FAT3: variants seen among roughly 807,000 people sequenced by gnomAD.
FAT3 encodes FAT atypical cadherin 3.
In FAT3, 95 loss-of-function variants were observed where a neutral mutation model predicts 310.2. The ratio of observed to expected loss-of-function variants is 0.31; its 90% CI spans 0.26 to 0.36. The LOEUF is 0.36. Ranked by LOEUF, FAT3 falls within the 10% of genes least tolerant of loss-of-function variation. The pLI is 1.00. For missense variants in FAT3, 5,408 were observed against 5,715.6 expected, an observed-to-expected ratio of 0.95 and a Z score of 1.74; for synonymous variants, 2,314 against 2,192.9, an observed-to-expected ratio of 1.06 and a Z score of -1.54.
At chr11:92,887,252 G>T in intron 25 of FAT3, 139 bp downstream of exon 25, 1 of 709,370 alleles carries the variant, frequency 1.4e-6, no homozygotes. Flanking sequence ...CCAGGTCCCT[G>T]GTTTACTCCA....
At chr11:92,628,996 A>G (rs1941443706) in intron 3 of FAT3, among the ~76,000 whole-genome samples, 1 of 152,228 alleles carries the variant, frequency 6.6e-6, no homozygotes, top group Non-Finnish European at 1.5e-5. Context: ...CTTTCTTTTC[A>G]TAATGTGGTA....
chr11:92,480,516 C>A (rs1485012534), intron 2 of FAT3, among the ~76,000 whole-genome samples: 1 of 152,142 alleles, frequency 6.6e-6, no homozygotes, highest in Non-Finnish European at 1.5e-5. Flanking sequence ...GGGTGAAAGG[C>A]AAGAGGAACA....
At chr11:92,540,949 A>C (rs1954429919) in intron 3 of FAT3, among the ~76,000 whole-genome samples, 1 of 152,132 alleles carries the variant, frequency 6.6e-6, no homozygotes, top group African/African-American at 2.4e-5. Flanking sequence ...AGCTACAGGA[A>C]AAGGAAATAA....
At chr11:92,479,196 C>T (rs1441635899) in intron 2 of FAT3, among the ~76,000 whole-genome samples, 3 of 145,152 alleles carry the variant, frequency 2.1e-5, no homozygotes, top group Non-Finnish European at 3.0e-5. Context: ...TTTTTTGTAG[C>T]GACAGGATTT....
At chr11:92,772,823 T>C (rs968927995) in intron 6 of FAT3, among the ~76,000 whole-genome samples, 4 of 152,134 alleles carry the variant, frequency 2.6e-5, no homozygotes, top group Non-Finnish European at 5.9e-5. Flanking sequence ...TTCCATGTCA[T>C]TGTACATCAG....
rs377492363 is a variant in FAT3, at chr11:92,549,891, C to A, written c.3607+24943C>A. Among the ~76,000 whole-genome samples the A allele has an allele frequency of 6.0e-4, 91 of 152,228 alleles. No homozygotes were observed. In the South Asian group the frequency reaches 0.018, roughly 31 times the overall value. On this transcript the variant is annotated intron_variant, in intron 3 of 27. Coordinates refer to ENST00000525166, the MANE Select transcript of FAT3 (RefSeq NM_001367949.2). ...GTAATAGGAACGCTTTACATATATA[C>A]TCTCATTTCATTTCATTCCAATAAG...
intron 3 of FAT3, among the ~76,000 whole-genome samples, chr11:92,596,672 G>A (rs535206680): frequency 1.3e-5 from 2 of 152,246 alleles, no homozygotes; most frequent in South Asian, 2.1e-4. Flanking sequence ...CTTCATACTG[G>A]CTGTGTTTAT....
chr11:92,398,878 G>C (rs1051445604), intron 2 of FAT3, among the ~76,000 whole-genome samples: 1 of 152,068 alleles, frequency 6.6e-6, no homozygotes, highest in Non-Finnish European at 1.5e-5. Context: ...CTGAATCCTG[G>C]CTTCTCTGAT....
At chr11:92,582,702 A>G (rs1938878069) in intron 3 of FAT3, among the ~76,000 whole-genome samples, 2 of 152,030 alleles carry the variant, frequency 1.3e-5, no homozygotes, top group Non-Finnish European at 2.9e-5. Flanking sequence ...AAGATGCTGC[A>G]TACTGTGACA....
intron 2 of FAT3, among the ~76,000 whole-genome samples, chr11:92,445,031 T>C (rs1400249598): frequency 6.6e-6 from 1 of 152,122 alleles, no homozygotes; most frequent in Non-Finnish European, 1.5e-5. Flanking sequence ...AAATTTGTGC[T>C]CAGGCACAGG....
rs1471757723 is a variant in FAT3 at position 92,883,194 on chromosome 11, G to C, written c.12738G>C (p.Arg4246Ser). ...CACCCTGCTTCCAGAGTGACTCCAGGAGCAACCTGGATAAGATCGTGGACG... is the reference window on the plus strand; with the variant it reads ...CACCCTGCTTCCAGAGTGACTCCAGCAGCAACCTGGATAAGATCGTGGACG... ...AYTPCFQSDS[R>S]SNLDKIVDGL... Residue 4246 changes from arginine to serine, a missense_variant, in exon 24 of 28, where the codon AGG (arginine) becomes AGC (serine). Coordinates refer to ENST00000525166, the MANE Select transcript of FAT3 (RefSeq NM_001367949.2). The surrounding 1 kb of genome is among the most constrained non-coding windows in gnomAD (Gnocchi z 4.2). The C allele has an allele frequency of 1.5e-5, 24 of 1,613,378 alleles. No homozygotes were observed. The highest frequency in any genetic ancestry group is 2.0e-5 in the Non-Finnish European group (24 of 1,179,848).
intron 4 of FAT3, among the ~76,000 whole-genome samples, chr11:92,715,415 T>TA (rs1052094315): frequency 1.3e-5 from 2 of 150,592 alleles, no homozygotes; most frequent in African/African-American, 2.4e-5. Context: ...CTCAAAAAAA[T>TA]AAAAAAATAA....
chr11:92,469,545 C>A (rs1951856584), intron 2 of FAT3, among the ~76,000 whole-genome samples: 1 of 151,146 alleles, frequency 6.6e-6, no homozygotes, highest in Non-Finnish European at 1.5e-5. Context: ...GATGGAATCT[C>A]ACCCTGTCAC....
intron 3 of FAT3, among the ~76,000 whole-genome samples, chr11:92,611,961 A>G (rs1940581055): frequency 6.6e-6 from 1 of 152,214 alleles, no homozygotes. Context: ...GACCTTCCAA[A>G]TGAGGGGAGA....
chr11:92,357,322 A>G (rs1169323221), intron 2 of FAT3, among the ~76,000 whole-genome samples: 4 of 152,276 alleles, frequency 2.6e-5, no homozygotes, highest in Middle Eastern at 3.4e-3. Context: ...TGTGGAGCCT[A>G]TTTTCAAACT....
chr11:92,712,580 G>A (rs777745061), intron 4 of FAT3, among the ~76,000 whole-genome samples: 19 of 122,690 alleles, frequency 1.5e-4, no homozygotes, highest in Non-Finnish European at 2.3e-4. Flanking sequence ...GTAAATATTA[G>A]CTGAATTAAA....
chr11:92,449,500 A>G (rs189484341), intron 2 of FAT3, among the ~76,000 whole-genome samples: 6 of 152,232 alleles, frequency 3.9e-5, no homozygotes, highest in East Asian at 1.9e-4. Context: ...CACTAACTCA[A>G]TGAGTCACCC....
At chr11:92,259,800 C>G (rs1285387521) in intron 1 of FAT3, among the ~76,000 whole-genome samples, 3 of 152,052 alleles carry the variant, frequency 2.0e-5, no homozygotes, top group African/African-American at 7.2e-5. Flanking sequence ...CGAACTTTCC[C>G]CAGTGCTGGA....
chr11:92,629,919 A>C (rs935042295), intron 3 of FAT3, among the ~76,000 whole-genome samples: 1 of 152,138 alleles, frequency 6.6e-6, no homozygotes, highest in Non-Finnish European at 1.5e-5. Context: ...GTAGGTCTCC[A>C]TTCAGAGGGG....
Sources: allele counts gnomAD v4.1 joint callset (sites outside exome capture counted in the v4.1 genomes callset), GRCh38; gene constraint gnomAD v4.1.1; non-coding constraint Gnocchi (gnomAD v3.1); transcripts MANE v1.5; gene names NCBI Gene and HGNC (gene_info 2026-07-23, HGNC 2026-07-21).